The following KHDRBS2 variants were observed in gnomAD, a reference collection of about 807,000 sequenced individuals.
KHDRBS2 encodes the protein KH RNA binding domain containing, signal transduction associated 2, also known as KH domain-containing, RNA-binding, signal transduction-associated protein 2.
KHDRBS2 carries 26 observed loss-of-function variants against 44.3 expected under a neutral mutation model. The observed-to-expected ratio is 0.59, with a 90% confidence interval of 0.43 to 0.81. The LOEUF (loss-of-function observed/expected upper bound fraction) is 0.81. Among genes scored for constraint, KHDRBS2 ranks in the 40% least tolerant of loss-of-function variants. The pLI is 0.00. For missense variants in KHDRBS2, 476 were observed against 433.1 expected (o/e 1.10, Z -0.88); for synonymous variants, 194 against 151.1 (o/e 1.28, Z -2.08).
At chr6:61,553,048 A>G in the KHDRBS2 span, among the ~76,000 whole-genome samples, 9 of 152,216 alleles carry the variant, frequency 5.9e-5, no homozygotes, top group Admixed American at 5.2e-4. Context: ...CCCTCTCCTC[A>G]ATGTTTGGAA....
the KHDRBS2 span, among the ~76,000 whole-genome samples, chr6:61,554,491 G>A: frequency 8.0e-3 from 1,222 of 152,100 alleles, 15 homozygotes; most frequent in African/African-American, 0.028. Flanking sequence ...AATTTTAAGG[G>A]ATATTTAGCC....
intron 6 of KHDRBS2, among the ~76,000 whole-genome samples, chr6:61,828,629 T>C (rs753136301): frequency 1.3e-5 from 2 of 152,200 alleles, no homozygotes; most frequent in Non-Finnish European, 2.9e-5. Context: ...TGGGTATCCC[T>C]CAGGCTGCTG....
intron 1 of KHDRBS2, among the ~76,000 whole-genome samples, chr6:62,259,116 G>T (rs1241145337): frequency 6.6e-6 from 1 of 151,990 alleles, no homozygotes; most frequent in Non-Finnish European, 1.5e-5. Flanking sequence ...GAGGCAACAG[G>T]CCAGAATAGC....
chr6:62,061,201 T>G (rs1041587721), intron 2 of KHDRBS2, among the ~76,000 whole-genome samples: 1 of 151,786 alleles, frequency 6.6e-6, no homozygotes, highest in African/African-American at 2.4e-5. Context: ...TATGTGTGAA[T>G]TTGATCCTGT....
At chr6:62,039,850 A>T (rs1584307340) in intron 3 of KHDRBS2, among the ~76,000 whole-genome samples, 1 of 152,246 alleles carries the variant, frequency 6.6e-6, no homozygotes, top group Middle Eastern at 3.4e-3. Flanking sequence ...CATCCCTAGT[A>T]AAATGCTAGA....
intron 6 of KHDRBS2, among the ~76,000 whole-genome samples, chr6:61,736,217 C>CACACACACACAT (rs1775332590): frequency 6.7e-6 from 1 of 149,278 alleles, no homozygotes; most frequent in Non-Finnish European, 1.5e-5. Context: ...TTACTTCACA[C>CACACACACACAT]ACACACACAC....
At position 61,719,202 on chromosome 6, in the gene KHDRBS2, T is replaced by A. The variant is rs1416194560; in HGVS notation, c.893+13480A>T. Among the ~76,000 whole-genome samples the A allele has an allele frequency of 2.0e-5, 3 of 152,298 alleles. No homozygotes were observed. The East Asian group carries it at 5.8e-4, about 29-fold the overall frequency. On this transcript the variant is annotated intron_variant, in intron 7 of 8. Transcript: ENST00000281156. The stretch of plus-strand genomic sequence containing the variant: ...GTTAAAATTTTACATTGGAAGATTA[T>A]AAATTTTTAACATTTCACATCCAAA...
At chr6:62,170,552 G>A (rs1819780719) in intron 2 of KHDRBS2, among the ~76,000 whole-genome samples, 1 of 152,068 alleles carries the variant, frequency 6.6e-6, no homozygotes, top group African/African-American at 2.4e-5. Flanking sequence ...GCCACCTACT[G>A]GACTGTGGCC....
At chr6:62,197,303 C>A (rs377423548) in intron 1 of KHDRBS2, among the ~76,000 whole-genome samples, 5 of 151,936 alleles carry the variant, frequency 3.3e-5, no homozygotes, top group African/African-American at 4.8e-5. Context: ...ACTTGCAAAC[C>A]CAATTTTGAA....
the KHDRBS2 span, among the ~76,000 whole-genome samples, chr6:61,604,018 C>T: frequency 1.3e-5 from 2 of 152,202 alleles, no homozygotes; most frequent in Non-Finnish European, 2.9e-5. Flanking sequence ...ATTGAGGCTA[C>T]CGCTCTGCCC....
At chr6:61,946,965 A>T (rs1813498834) in intron 4 of KHDRBS2, among the ~76,000 whole-genome samples, 1 of 152,216 alleles carries the variant, frequency 6.6e-6, no homozygotes, top group Non-Finnish European at 1.5e-5. Context: ...GAAAAGAAAG[A>T]AAAGGATCTT....
chr6:61,774,909 T>A (rs1299227445), intron 6 of KHDRBS2, among the ~76,000 whole-genome samples: 1 of 152,016 alleles, frequency 6.6e-6, no homozygotes, highest in Non-Finnish European at 1.5e-5. Flanking sequence ...ACTAGCAAAC[T>A]GAATCCAGCA....
chr6:61,787,702 T>C lies in KHDRBS2; in HGVS notation c.811-54938A>G, dbSNP rs192280000. On this transcript the variant is annotated intron_variant, in intron 6 of 8. Transcript: ENST00000281156. ...GGTCTTAACCTGTGTTCCAGCCCAA[T>C]GACAATTTGAGTAATTGCATATTTC... 2.2e-3 allele frequency among the ~76,000 whole-genome samples: 341 copies of C among 151,836 alleles called. 2 individuals carry two copies. The highest frequency in any genetic ancestry group is 8.0e-3 in the African/African-American group (332 of 41,552).
In KHDRBS2 at chr6:61,938,227, A is replaced by G. The variant is rs142749433; in HGVS notation, c.484-36856T>C. 7.7e-4 allele frequency among the ~76,000 whole-genome samples: 118 copies of G among 152,280 alleles called. 1 individual carries two copies. The highest frequency in any genetic ancestry group is 2.7e-3 in the African/African-American group (114 of 41,576). On this transcript the variant is annotated intron_variant, in intron 4 of 8. Coordinates refer to ENST00000281156, the MANE Select transcript of KHDRBS2 (RefSeq NM_152688.4). ...TTTCAAAAATATAAAATGTGCTAAC[A>G]TAAGATCAGTGTGTATTCAGGAGAG...
At chr6:61,543,027 G>A in the KHDRBS2 span, among the ~76,000 whole-genome samples, 2 of 151,888 alleles carry the variant, frequency 1.3e-5, no homozygotes, top group Non-Finnish European at 2.9e-5. Flanking sequence ...AAACATCAGG[G>A]AAACTCTCTA....
At chr6:62,177,404 T>C in intron 1 of KHDRBS2, 92 bp from the exon 2 acceptor site, 1 of 940,872 alleles carries the variant, frequency 1.1e-6, no homozygotes. Flanking sequence ...AATATTCATA[T>C]TACTCCTCTT....
At chr6:61,936,988 T>C (rs1048071860) in intron 4 of KHDRBS2, among the ~76,000 whole-genome samples, 1 of 152,010 alleles carries the variant, frequency 6.6e-6, no homozygotes, top group Non-Finnish European at 1.5e-5. Flanking sequence ...AGTTTTGAAA[T>C]TTTTTTATAA....
intron 3 of KHDRBS2, among the ~76,000 whole-genome samples, chr6:62,011,955 A>T: frequency 6.6e-6 from 1 of 152,236 alleles, no homozygotes. Context: ...ATTTAGGGGC[A>T]TATTTACATA....
At chr6:61,736,240 A>ACACAC (rs958348540) in intron 6 of KHDRBS2, among the ~76,000 whole-genome samples, 3 of 150,810 alleles carry the variant, frequency 2.0e-5, no homozygotes, top group African/African-American at 7.3e-5. Context: ...ACACACACAC[A>ACACAC]CACACACTAA....
Sources: allele counts gnomAD v4.1 joint callset (sites outside exome capture counted in the v4.1 genomes callset), GRCh38; gene constraint gnomAD v4.1.1; transcripts MANE v1.5; gene names NCBI Gene and HGNC (gene_info 2026-07-23, HGNC 2026-07-21).